The following KAZN variants were observed in gnomAD, a reference collection of about 807,000 sequenced individuals.
KAZN encodes the protein kazrin.
KAZN carries 40 observed loss-of-function variants against 87.4 expected under a neutral mutation model. That is an observed-to-expected ratio of 0.46 (90% confidence interval 0.36 to 0.60). The LOEUF (loss-of-function observed/expected upper bound fraction) is 0.60. Ranked by LOEUF, KAZN falls within the 20% of genes least tolerant of loss-of-function variation. KAZN has a pLI of 0.00. For missense variants in KAZN, 898 were observed against 1,073.9 expected (o/e 0.84, Z 2.29); for synonymous variants, 466 against 458.3 (o/e 1.02, Z -0.22).
At chr1:14,545,699 C>T (rs1673097205) in intron 2 of KAZN, among the ~76,000 whole-genome samples, 1 of 152,180 alleles carries the variant, frequency 6.6e-6, no homozygotes, top group South Asian at 2.1e-4. Context: ...TTCATCCATG[C>T]TACATGCTCG....
At chr1:13,974,058 G>C (rs1208873814) in intron 1 of KAZN, among the ~76,000 whole-genome samples, 1 of 152,240 alleles carries the variant, frequency 6.6e-6, no homozygotes, top group African/African-American at 2.4e-5. Flanking sequence ...CAGGAGCTTC[G>C]CTCAGGGGAG....
intron 1 of KAZN, among the ~76,000 whole-genome samples, chr1:14,929,200 AT>A (rs533811608): frequency 2.2e-3 from 329 of 152,352 alleles, no homozygotes; most frequent in Non-Finnish European, 3.7e-3. Context: ...GGGAATTCCT[AT>A]TCCTCTAGAC....
chr1:14,007,000 A>G (rs1640065749), intron 1 of KAZN, among the ~76,000 whole-genome samples: 2 of 152,066 alleles, frequency 1.3e-5, no homozygotes, highest in Non-Finnish European at 2.9e-5. Context: ...GTCTTCTTCA[A>G]TTTCTTTCCT....
At chr1:14,065,207 C>T (rs904788310) in intron 1 of KAZN, among the ~76,000 whole-genome samples, 6 of 152,126 alleles carry the variant, frequency 3.9e-5, no homozygotes, top group African/African-American at 7.2e-5. Context: ...GCTTGCCTTC[C>T]GCATTGATAA....
chr1:14,941,043 G>GGCT (rs1661018306), intron 1 of KAZN, among the ~76,000 whole-genome samples: 1 of 151,050 alleles, frequency 6.6e-6, no homozygotes, highest in African/African-American at 2.4e-5. Context: ...GGCTTCCCAA[G>GGCT]TAGCTGGGAC....
At chr1:14,154,243 A>G (rs577686795) in intron 1 of KAZN, among the ~76,000 whole-genome samples, 2 of 152,004 alleles carry the variant, frequency 1.3e-5, no homozygotes, top group Non-Finnish European at 2.9e-5. Flanking sequence ...TAGGTATTTA[A>G]TGTTCTTTGT....
At chr1:13,910,219 G>A (rs998104671) in intron 1 of KAZN, among the ~76,000 whole-genome samples, 4 of 152,160 alleles carry the variant, frequency 2.6e-5, no homozygotes, top group African/African-American at 4.8e-5. Context: ...TTAAAAGTAT[G>A]TGACACAGGC....
At chr1:14,792,877 G>A (rs1027693086) in intron 1 of KAZN, among the ~76,000 whole-genome samples, 3 of 151,784 alleles carry the variant, frequency 2.0e-5, no homozygotes, top group East Asian at 1.9e-4. Flanking sequence ...TTGGGAGGCC[G>A]AGGCAGGAGA....
chr1:14,423,366 A>C (rs1268635020), intron 2 of KAZN, among the ~76,000 whole-genome samples: 1 of 152,202 alleles, frequency 6.6e-6, no homozygotes, highest in Non-Finnish European at 1.5e-5. Flanking sequence ...AGATATACTA[A>C]AATAGCAGCA....
At chr1:14,914,237 T>G (rs1657554892) in intron 1 of KAZN, among the ~76,000 whole-genome samples, 1 of 152,198 alleles carries the variant, frequency 6.6e-6, no homozygotes. Context: ...GGGGCCACAC[T>G]TTGAGAACCG....
intron 2 of KAZN, among the ~76,000 whole-genome samples, chr1:14,301,000 T>TTA (rs1654512838): frequency 6.6e-6 from 1 of 152,066 alleles, no homozygotes; most frequent in Non-Finnish European, 1.5e-5. Flanking sequence ...GAAACCACAT[T>TTA]TATACCTATG....
At chr1:14,299,889 C>G (rs1226903153) in intron 2 of KAZN, among the ~76,000 whole-genome samples, 1 of 152,174 alleles carries the variant, frequency 6.6e-6, no homozygotes, top group African/African-American at 2.4e-5. Context: ...AGAAAATACT[C>G]ACCCAACAAA....
At chr1:13,918,148 A>G (rs895179617) in intron 1 of KAZN, among the ~76,000 whole-genome samples, 11 of 152,216 alleles carry the variant, frequency 7.2e-5, no homozygotes, top group African/African-American at 2.7e-4. Context: ...TATAGCTGTC[A>G]CAGATAGTGA....
intron 2 of KAZN, among the ~76,000 whole-genome samples, chr1:14,376,889 T>C (rs1240119298): frequency 1.3e-5 from 2 of 152,230 alleles, no homozygotes; most frequent in Admixed American, 1.3e-4. Flanking sequence ...TAAAATGAAA[T>C]TGTTTTTGCT....
chr1:14,152,118 C>T (rs1333885682), intron 1 of KAZN, among the ~76,000 whole-genome samples: 1 of 152,048 alleles, frequency 6.6e-6, no homozygotes, highest in Non-Finnish European at 1.5e-5. Context: ...GCACAATAAC[C>T]ATATATGGGT....
In KAZN at chr1:14,755,524, G is replaced by A. The variant is rs144901615; in HGVS notation, c.226+156301G>A. Reference sequence around the variant, plus strand: ...GAGAACAGCGCTCCTGGGAAGTTACGATCTCCAGAAGCAACTAACATTCAT... The same window carrying A: ...GAGAACAGCGCTCCTGGGAAGTTACAATCTCCAGAAGCAACTAACATTCAT... On this transcript the variant is annotated intron_variant, in intron 1 of 14. Transcript: ENST00000376030. 6.5e-3 allele frequency among the ~76,000 whole-genome samples: 982 copies of A among 152,232 alleles called. 14 individuals are homozygous for A. Among genetic ancestry groups the A allele is most frequent in the African/African-American group, 0.022 (921 of 41,512 alleles).
intron 1 of KAZN, among the ~76,000 whole-genome samples, chr1:14,124,510 G>A (rs1644820024): frequency 6.6e-6 from 1 of 152,208 alleles, no homozygotes; most frequent in South Asian, 2.1e-4. Flanking sequence ...CATTGTTAAT[G>A]TCACATCAGT....
At chr1:14,209,264 C>T (rs940867301) in intron 2 of KAZN, among the ~76,000 whole-genome samples, 1 of 152,200 alleles carries the variant, frequency 6.6e-6, no homozygotes, top group Non-Finnish European at 1.5e-5. Context: ...CATTGAGAAA[C>T]CAGAACCAGA....
chr1:14,298,081 C>T (rs1054134477), intron 2 of KAZN, among the ~76,000 whole-genome samples: 26 of 152,042 alleles, frequency 1.7e-4, no homozygotes, highest in Non-Finnish European at 2.5e-4. Flanking sequence ...AAAAATTAGC[C>T]GGGTGTGGTG....
Sources: allele counts gnomAD v4.1 joint callset (sites outside exome capture counted in the v4.1 genomes callset), GRCh38; gene constraint gnomAD v4.1.1; transcripts MANE v1.5; gene names NCBI Gene and HGNC (gene_info 2026-07-23, HGNC 2026-07-21).